Variants in UGT2B7 observed in about 807,000 individuals in gnomAD.
UGT2B7 encodes the protein UDP-glucuronosyltransferase 2B7.
UGT2B7 carries 51 observed loss-of-function variants against 51.9 expected under a neutral mutation model. The observed-to-expected ratio is 0.98, with a 90% CI of 0.78 to 1.24. The LOEUF is 1.24. Among genes scored for constraint, UGT2B7 ranks in the 50% most tolerant of loss-of-function variants. The probability of loss-of-function intolerance (pLI) is 0.00; values close to 1 mark genes in which losing one functional copy is unlikely to be tolerated. For missense variants in UGT2B7, 727 were observed against 628.4 expected (o/e 1.16, Z -1.68); for synonymous variants, 225 against 211.6 (o/e 1.06, Z -0.55).
chr4:69,063,109 G>T (rs1191240935), intron 1 of UGT2B7, among the ~76,000 whole-genome samples: 2 of 151,676 alleles, frequency 1.3e-5, no homozygotes, highest in Non-Finnish European at 2.9e-5. Flanking sequence ...CACGAGGTCA[G>T]GAGATCGAGA....
At chr4:69,078,604 A>G (rs780912447) in intron 1 of UGT2B7, among the ~76,000 whole-genome samples, 21 of 152,196 alleles carry the variant, frequency 1.4e-4, no homozygotes, top group Non-Finnish European at 1.5e-4. Context: ...TACTTTCTCC[A>G]TGACTGTGTG....
At chr4:69,087,881 T>C (rs1329376926) in intron 1 of UGT2B7, among the ~76,000 whole-genome samples, 1 of 152,032 alleles carries the variant, frequency 6.6e-6, no homozygotes, top group East Asian at 1.9e-4. Flanking sequence ...ATTCTTTCTT[T>C]GTATTTGCCT....
rs769107320 is a variant in UGT2B7, at chr4:69,108,277, G to A, written c.1265G>A (p.Ser422Asn). 1 of 1,613,542 alleles carries A rather than the reference G, an allele frequency of 6.2e-7. No individual in the cohort carries two copies. Among genetic ancestry groups the A allele is most frequent in the East Asian group, 2.2e-5 (1 of 44,852 alleles). The change falls in exon 5 of 6, where the codon AGT becomes AAT. Residue 422 changes from serine (S) to asparagine (N), a missense_variant. Transcript: ENST00000305231. Reference protein sequence around the residue: ...AVRVDFNTMSSTDLLNALKRV... With the variant: ...AVRVDFNTMSNTDLLNALKRV... ...AGAGTGGACTTCAACACAATGTCGA[G>A]TACAGACTTGCTGAATGCATTGAAG...
intron 2 of UGT2B7, among the ~76,000 whole-genome samples, chr4:69,090,298 T>A (rs1056703515): frequency 2.0e-5 from 3 of 152,170 alleles, no homozygotes; most frequent in Non-Finnish European, 4.4e-5. Context: ...TAATTAGGAT[T>A]GTGAAATTAG....
chr4:69,096,008 G>C (rs1719212281), upstream of UGT2B7, among the ~76,000 whole-genome samples: 1 of 152,030 alleles, frequency 6.6e-6, no homozygotes, highest in Non-Finnish European at 1.5e-5. Flanking sequence ...GGAGATAAAA[G>C]GGCTCTCCAA....
chr4:69,099,605 T>C (rs550673392), intron 2 of UGT2B7, among the ~76,000 whole-genome samples: 10 of 152,164 alleles, frequency 6.6e-5, no homozygotes, highest in Admixed American at 3.3e-4. Flanking sequence ...TAGAAATCAT[T>C]ATGCCCACAT....
intron 3 of UGT2B7, among the ~76,000 whole-genome samples, chr4:69,104,397 C>A (rs1294525866): frequency 6.6e-6 from 1 of 151,978 alleles, no homozygotes; most frequent in Admixed American, 6.6e-5. Flanking sequence ...AGGGAACAAA[C>A]TTTTTAAGTA....
At chr4:69,077,110 T>C (rs2109871523) in intron 1 of UGT2B7, among the ~76,000 whole-genome samples, 1 of 152,330 alleles carries the variant, frequency 6.6e-6, no homozygotes, top group South Asian at 2.1e-4. Flanking sequence ...GTGTTATTTC[T>C]GAGGTCTCTG....
chr4:69,098,684 C>T lies in UGT2B7; in HGVS notation c.866C>T (p.Pro289Leu). The T allele has an allele frequency of 6.2e-7, 1 of 1,608,866 alleles. No homozygotes were observed. Among genetic ancestry groups the T allele is most frequent in the Non-Finnish European group, 8.5e-7 (1 of 1,178,204 alleles). The change falls in exon 2 of 6, where the codon CCT (proline) becomes CTT (leucine). Residue 289 changes from proline to leucine, a missense_variant. Transcript: ENST00000305231. ...CACTGCAAACCTGCCAAACCCCTGC[C>T]TAAGGTAAACATACTTTTGTTGGTT... is the stretch of plus-strand genomic sequence containing the variant. ...GLHCKPAKPL[P>L]KEMEDFVQSS...
In UGT2B7 at chr4:69,112,837, A is replaced by AG; in HGVS notation, c.*101_*102insG. 1 of 296,714 alleles carries AG rather than the reference A, an allele frequency of 3.4e-6. No individual in the cohort carries two copies. Among genetic ancestry groups the AG allele is most frequent in the South Asian group, 8.7e-5 (1 of 11,486 alleles). 18.4% of individuals were successfully genotyped at this position (296,714 alleles called of 1,614,324 possible). A position where few individuals can be genotyped will look rare whatever the true frequency, so the allele number is the denominator to read the frequency against. ...TGCAAGATTTCTTTCTTCCTGAGAC[A>AG]AAAAAAAAAAAAGAAAAAAAAATCT... is the stretch of plus-strand genomic sequence containing the variant. On this transcript the variant is annotated 3_prime_UTR_variant, in exon 6 of 6. Coordinates refer to ENST00000305231, the MANE Select transcript of UGT2B7 (RefSeq NM_001074.4).
At chr4:69,063,094 CG>C (rs34438793) in intron 1 of UGT2B7, among the ~76,000 whole-genome samples, 22,577 of 151,410 alleles carry the variant, frequency 0.15, 1,954 homozygotes, top group Admixed American at 0.25. Context: ...CCGAGGCGGG[CG>C]GATCACGAGG....
upstream of UGT2B7, among the ~76,000 whole-genome samples, chr4:69,093,759 C>T (rs1003598924): frequency 2.6e-5 from 4 of 152,096 alleles, no homozygotes; most frequent in African/African-American, 9.7e-5. Context: ...TCACCACTTC[C>T]CTGGGTGAGG....
At chr4:69,081,744 CA>C (rs1435673457) in intron 1 of UGT2B7, among the ~76,000 whole-genome samples, 1 of 152,022 alleles carries the variant, frequency 6.6e-6, no homozygotes, top group East Asian at 1.9e-4. Context: ...CTGATTGCTC[CA>C]TAGATGGATA....
intron 2 of UGT2B7, among the ~76,000 whole-genome samples, chr4:69,101,729 A>T (rs1383557108): frequency 7.9e-5 from 12 of 152,196 alleles, no homozygotes; most frequent in African/African-American, 2.7e-4. Context: ...CAGTTAGGAA[A>T]AGTTTTACCC....
intron 1 of UGT2B7, among the ~76,000 whole-genome samples, chr4:69,074,365 T>C (rs1718658482): frequency 6.6e-6 from 1 of 150,966 alleles, no homozygotes; most frequent in South Asian, 2.1e-4. Context: ...GAGGCTGCAG[T>C]GAGCCCTGAA....
chr4:69,062,291 A>G (rs930024810), intron 1 of UGT2B7, among the ~76,000 whole-genome samples: 1 of 152,114 alleles, frequency 6.6e-6, no homozygotes, highest in East Asian at 1.9e-4. Context: ...GCCACCCCCA[A>G]TCATAAGTCA....
intron 1 of UGT2B7, chr4:69,067,610 T>A (rs1017370184): frequency 6.5e-6 from 1 of 153,006 alleles, no homozygotes; most frequent in Admixed American, 6.6e-5. Context: ...AGGCAGTCAT[T>A]AATGGCCCTA....
chr4:69,091,320 A>G (rs1480846461), intron 2 of UGT2B7, among the ~76,000 whole-genome samples: 1 of 152,080 alleles, frequency 6.6e-6, no homozygotes, highest in Non-Finnish European at 1.5e-5. Context: ...ACCACCTTGT[A>G]CCTTTGGGTT....
At position 69,112,471 on chromosome 4, in the gene UGT2B7, T is replaced by A; in HGVS notation, c.1325T>A (p.Val442Asp). 6.2e-7 allele frequency: 1 copy of A among 1,613,696 alleles called. No individual in the cohort carries two copies. The highest frequency in any genetic ancestry group is 8.5e-7 in the Non-Finnish European group (1 of 1,179,792). ...VINDPSYKEN[V>D]MKLSRIQHDQ... ...TTATCTTTCAGATATAAAGAGAATG[T>A]TATGAAATTATCAAGAATTCAACAT... is the stretch of plus-strand genomic sequence containing the variant. The change falls in exon 6 of 6, where the codon GTT (valine) becomes GAT (aspartate). Residue 442 changes from valine (V) to aspartate (D), a missense_variant. Transcript: ENST00000305231.
Sources: allele counts gnomAD v4.1 joint callset (sites outside exome capture counted in the v4.1 genomes callset), GRCh38; gene constraint gnomAD v4.1.1; transcripts MANE v1.5; gene names NCBI Gene and HGNC (gene_info 2026-07-23, HGNC 2026-07-21).